TSHZ2: variants seen among roughly 807,000 people sequenced by gnomAD.
The protein encoded by TSHZ2 is teashirt homolog 2.
TSHZ2 carries 21 observed loss-of-function variants against 74.4 expected under a neutral mutation model. The ratio of observed to expected loss-of-function variants is 0.28; its 90% CI spans 0.20 to 0.41. The LOEUF is 0.41. Ranked by LOEUF, TSHZ2 falls within the 10% of genes least tolerant of loss-of-function variation. The pLI, the probability that TSHZ2 is intolerant of heterozygous loss-of-function variation, is 1.00. For missense variants in TSHZ2, 1,244 were observed against 1,293.5 expected, an observed-to-expected ratio of 0.96 and a Z score of 0.59; for synonymous variants, 540 against 515.3, an observed-to-expected ratio of 1.05 and a Z score of -0.65.
intron 2 of TSHZ2, among the ~76,000 whole-genome samples, chr20:53,408,360 C>A (rs1982923674): frequency 6.6e-6 from 1 of 152,314 alleles, no homozygotes; most frequent in African/African-American, 2.4e-5. Context: ...AAAGACACAG[C>A]ATCTTTTGTG....
intron 1 of TSHZ2, among the ~76,000 whole-genome samples, chr20:53,024,721 C>T (rs918677150): frequency 2.4e-4 from 36 of 152,088 alleles, no homozygotes; most frequent in Admixed American, 2.2e-3. Context: ...TGTTCAGCTC[C>T]CACTTATGAG....
At chr20:53,370,712 C>T (rs1236309545) in intron 2 of TSHZ2, among the ~76,000 whole-genome samples, 1 of 151,970 alleles carries the variant, frequency 6.6e-6, no homozygotes. Flanking sequence ...TGCAGTGAGC[C>T]GTGATGATGA....
chr20:53,418,826 CCAGGCCGCCAAAGGCCTAACACTAAGG>C (rs1188068367), intron 2 of TSHZ2, among the ~76,000 whole-genome samples: 1 of 152,214 alleles, frequency 6.6e-6, no homozygotes, highest in Non-Finnish European at 1.5e-5. Context: ...CCAGCTCAGT[CCAGGCCGCCAAAGGCCTAACACTAAGG>C]CAGGCCACCC....
chr20:53,251,427 C>A (rs1443721332), intron 1 of TSHZ2, among the ~76,000 whole-genome samples: 5 of 152,068 alleles, frequency 3.3e-5, no homozygotes, highest in Admixed American at 3.3e-4. Context: ...ACAAGTTAAT[C>A]CAGGAAAAAG....
At chr20:53,371,441 C>T (rs1981466487) in intron 2 of TSHZ2, among the ~76,000 whole-genome samples, 1 of 152,202 alleles carries the variant, frequency 6.6e-6, no homozygotes, top group East Asian at 1.9e-4. Context: ...TCAAGTCAGA[C>T]ACATTCTAGT....
intron 1 of TSHZ2, among the ~76,000 whole-genome samples, chr20:53,171,063 TCTTA>T (rs1396307010): frequency 1.3e-5 from 2 of 152,316 alleles, no homozygotes; most frequent in East Asian, 3.9e-4. Context: ...GAGTTTCATC[TCTTA>T]CTTAAATGTA....
intron 1 of TSHZ2, among the ~76,000 whole-genome samples, chr20:53,223,021 C>G (rs372903597): frequency 6.6e-6 from 1 of 152,124 alleles, no homozygotes; most frequent in Non-Finnish European, 1.5e-5. Flanking sequence ...TTTCTTCATT[C>G]GAACAAGCCA....
intron 1 of TSHZ2, among the ~76,000 whole-genome samples, chr20:53,187,715 G>A (rs1435252675): frequency 6.6e-6 from 1 of 151,080 alleles, no homozygotes; most frequent in Non-Finnish European, 1.5e-5. Context: ...TAAGGTGAGA[G>A]GACAGGAAAT....
intron 1 of TSHZ2, among the ~76,000 whole-genome samples, chr20:53,120,191 C>A (rs1415322678): frequency 6.6e-6 from 1 of 152,094 alleles, no homozygotes; most frequent in East Asian, 1.9e-4. Context: ...AATATGAATC[C>A]GTGGATTCCA....
intron 2 of TSHZ2, among the ~76,000 whole-genome samples, chr20:53,422,205 G>A (rs185560059): frequency 7.0e-4 from 106 of 152,282 alleles, no homozygotes; most frequent in Middle Eastern, 3.4e-3. Context: ...CACAAAGCAA[G>A]CCAATGTCTG....
intron 1 of TSHZ2, among the ~76,000 whole-genome samples, chr20:53,152,313 G>A (rs1319413536): frequency 6.6e-6 from 1 of 152,054 alleles, no homozygotes; most frequent in Non-Finnish European, 1.5e-5. Context: ...TTCTACACAG[G>A]GCTCACTGGG....
intron 1 of TSHZ2, among the ~76,000 whole-genome samples, chr20:53,142,823 G>GAA (rs34283169): frequency 7.1e-6 from 1 of 141,548 alleles, no homozygotes; most frequent in Non-Finnish European, 1.5e-5. Context: ...GTATTAAGAT[G>GAA]AAAAAAAAAA....
chr20:53,300,270 A>C (rs62208306), intron 2 of TSHZ2, among the ~76,000 whole-genome samples: 3,231 of 152,354 alleles, frequency 0.021, 72 homozygotes, highest in Admixed American at 0.045. Context: ...GGATGTATTC[A>C]AGAGGCCTTC....
intron 1 of TSHZ2, among the ~76,000 whole-genome samples, chr20:53,150,215 A>G (rs1987643607): frequency 6.6e-6 from 1 of 152,198 alleles, no homozygotes; most frequent in African/African-American, 2.4e-5. Context: ...AAATCTGGAT[A>G]GTTGGGGTCT....
At chr20:53,448,203 G>A (rs1216161707) in intron 2 of TSHZ2, among the ~76,000 whole-genome samples, 1 of 152,194 alleles carries the variant, frequency 6.6e-6, no homozygotes, top group Non-Finnish European at 1.5e-5. Flanking sequence ...TGCAGCTGAG[G>A]AAAGGGGAGA....
chr20:53,011,704 T>C (rs1005044173), intron 1 of TSHZ2, among the ~76,000 whole-genome samples: 3 of 152,170 alleles, frequency 2.0e-5, no homozygotes, highest in African/African-American at 4.8e-5. Context: ...AATGACCATA[T>C]ATTGCTTTTA....
At chr20:53,100,318 G>T (rs981989167) in intron 1 of TSHZ2, among the ~76,000 whole-genome samples, 7 of 152,066 alleles carry the variant, frequency 4.6e-5, no homozygotes, top group African/African-American at 1.7e-4. Flanking sequence ...CCAGGTCATT[G>T]CCCAGGTCCT....
intron 2 of TSHZ2, among the ~76,000 whole-genome samples, chr20:53,270,854 G>A (rs1990820277): frequency 6.6e-6 from 1 of 152,114 alleles, no homozygotes; most frequent in African/African-American, 2.4e-5. Context: ...CAATTTCACA[G>A]TCAAATAATT....
chr20:53,210,549 C>A (rs1034040406), intron 1 of TSHZ2, among the ~76,000 whole-genome samples: 4 of 151,868 alleles, frequency 2.6e-5, no homozygotes, highest in East Asian at 3.9e-4. Context: ...CTCTGCCGTG[C>A]CATTCCATCG....
Sources: gnomAD v4.1 joint callset for allele counts (sites outside exome capture counted in the v4.1 genomes callset) on GRCh38, gnomAD v4.1.1 for gene constraint, MANE v1.5 for transcripts, NCBI Gene and HGNC (gene_info 2026-07-23, HGNC 2026-07-21) for gene names.